The following FOXN2 variants were observed in gnomAD, a reference collection of about 807,000 sequenced individuals.
The protein encoded by FOXN2 is forkhead box N2, also known as forkhead box protein N2.
A neutral mutation model predicts 41.2 loss-of-function variants in FOXN2; 19 were observed. The observed-to-expected ratio is 0.46, with a 90% CI of 0.32 to 0.68. The LOEUF is 0.68. Ranked by LOEUF, FOXN2 falls within the 30% of genes least tolerant of loss-of-function variation. FOXN2 has a pLI of 0.03. For missense variants in FOXN2, 587 were observed against 509.4 expected (o/e 1.15, Z -1.47); for synonymous variants, 195 against 176.8 (o/e 1.10, Z -0.82).
At chr2:48,368,550 G>T (rs1672678912) in intron 5 of FOXN2, among the ~76,000 whole-genome samples, 1 of 152,066 alleles carries the variant, frequency 6.6e-6, no homozygotes, top group Non-Finnish European at 1.5e-5. Flanking sequence ...AAATTAGCCG[G>T]GCGTGGTGGT....
chr2:48,350,956 T>C (rs1248672045), intron 3 of FOXN2, among the ~76,000 whole-genome samples: 1 of 152,066 alleles, frequency 6.6e-6, no homozygotes, highest in African/African-American at 2.4e-5. Context: ...ATGGACTCTG[T>C]TACAATTTAT....
At chr2:48,344,394 T>C (rs758318193) in intron 2 of FOXN2, among the ~76,000 whole-genome samples, 6 of 152,224 alleles carry the variant, frequency 3.9e-5, no homozygotes, top group Non-Finnish European at 7.4e-5. Flanking sequence ...GAGTCATTGG[T>C]GCTCATGGGT....
chr2:48,337,420 C>T (rs116221547), intron 2 of FOXN2, among the ~76,000 whole-genome samples: 3 of 151,916 alleles, frequency 2.0e-5, no homozygotes, highest in Non-Finnish European at 2.9e-5. Flanking sequence ...GCCTCATCCT[C>T]CCAAAGTAGC....
At position 48,346,361 on chromosome 2, in the gene FOXN2, T is replaced by A. The variant is rs762545217; in HGVS notation, c.147T>A (p.Ser49Arg). ...AARPKATLVD[S>R]ESADDELTNL... ...GGCCGAAGGCCACTCTAGTGGACAG[T>A]GAGTCAGCAGATGATGAACTCACAA... is the stretch of plus-strand genomic sequence containing the variant. Residue 49 changes from serine (S) to arginine (R), a missense_variant, in exon 3 of 7, where the codon AGT becomes AGA. By Grantham distance (110) the Ser-to-Arg change is moderately radical (BLOSUM62 -1). Coordinates refer to ENST00000340553, the MANE Select transcript of FOXN2 (RefSeq NM_002158.4). The A allele has an allele frequency of 6.2e-7, 1 of 1,614,102 alleles. No homozygotes were observed. The highest frequency in any genetic ancestry group is 1.3e-5 in the African/African-American group (1 of 74,928).
intron 3 of FOXN2, among the ~76,000 whole-genome samples, chr2:48,351,380 A>G (rs1671438218): frequency 6.6e-6 from 1 of 152,220 alleles, no homozygotes; most frequent in African/African-American, 2.4e-5. Context: ...TTTAAAAAGT[A>G]AGAAGGCAAA....
At chr2:48,319,676 TCA>T (rs1669161282) in intron 1 of FOXN2, among the ~76,000 whole-genome samples, 1 of 147,662 alleles carries the variant, frequency 6.8e-6, no homozygotes, top group African/African-American at 2.5e-5. Context: ...GTGGTAACAA[TCA>T]CAGTGCACTG....
At chr2:48,318,816 A>C (rs1192406109) in intron 1 of FOXN2, among the ~76,000 whole-genome samples, 1 of 152,192 alleles carries the variant, frequency 6.6e-6, no homozygotes, top group Non-Finnish European at 1.5e-5. Context: ...TCCTCACCTT[A>C]GGTCTTGATT....
intron 6 of FOXN2, among the ~76,000 whole-genome samples, chr2:48,374,103 A>G (rs756522974): frequency 2.0e-4 from 31 of 152,144 alleles, no homozygotes; most frequent in Middle Eastern, 3.4e-3. Context: ...AACAAAATAT[A>G]TCTAAGAAAA....
chr2:48,362,045 C>T (rs1672221903), intron 4 of FOXN2, among the ~76,000 whole-genome samples: 2 of 152,130 alleles, frequency 1.3e-5, no homozygotes, highest in African/African-American at 4.8e-5. Context: ...ATTATCACAA[C>T]AGCCTATGTG....
intron 2 of FOXN2, among the ~76,000 whole-genome samples, chr2:48,336,472 T>A (rs1345969853): frequency 6.6e-6 from 1 of 151,634 alleles, no homozygotes; most frequent in African/African-American, 2.4e-5. Flanking sequence ...TATATTTATT[T>A]ATTTACGAGC....
intron 2 of FOXN2, chr2:48,340,815 C>G (rs1347055999): frequency 6.6e-6 from 1 of 152,148 alleles, no homozygotes; most frequent in African/African-American, 2.4e-5. Context: ...GATACTGCTA[C>G]TGCACAAAGC....
At chr2:48,346,840 A>G (rs1671136686) in intron 3 of FOXN2, 89 bp downstream of exon 3, 5 of 1,099,168 alleles carry the variant, frequency 4.5e-6, no homozygotes, top group South Asian at 3.5e-5. Flanking sequence ...CGGGGAGACA[A>G]TAAGTAGTCA....
chr2:48,338,823 AAAAC>A (rs1382837922), intron 2 of FOXN2, among the ~76,000 whole-genome samples: 1 of 152,242 alleles, frequency 6.6e-6, no homozygotes, highest in East Asian at 1.9e-4. Flanking sequence ...CAAAAATTAT[AAAAC>A]AAACTGTAGA....
chr2:48,331,631 A>G lies in FOXN2; in HGVS notation c.-15+2929A>G, dbSNP rs942271364. Reference sequence around the variant, plus strand: ...CCAGGAGTTTGAGACCAACCTGAGCAACATAAGGAGACGCTGCCTCTACAG... The same window carrying G: ...CCAGGAGTTTGAGACCAACCTGAGCGACATAAGGAGACGCTGCCTCTACAG... On this transcript the variant is annotated intron_variant, in intron 2 of 6. Coordinates refer to ENST00000340553, the MANE Select transcript of FOXN2 (RefSeq NM_002158.4). 7.2e-5 allele frequency among the ~76,000 whole-genome samples: 11 copies of G among 152,208 alleles called. No homozygotes were observed. The East Asian group carries it at 1.9e-3, about 27-fold the overall frequency.
intron 3 of FOXN2, among the ~76,000 whole-genome samples, chr2:48,347,481 C>T (rs1057408826): frequency 1.1e-4 from 17 of 151,772 alleles, no homozygotes; most frequent in African/African-American, 3.9e-4. Flanking sequence ...CCCACCTTGA[C>T]CTCCCAAAGT....
chr2:48,370,047 G>A (rs911632079), intron 5 of FOXN2, among the ~76,000 whole-genome samples: 2 of 151,890 alleles, frequency 1.3e-5, no homozygotes, highest in African/African-American at 4.8e-5. Context: ...TTATGGAGAA[G>A]TAATCTCTCT....
chr2:48,346,832 G>T, intron 3 of FOXN2, 81 bp downstream of exon 3: 1 of 1,223,994 alleles, frequency 8.2e-7, no homozygotes, highest in Non-Finnish European at 1.1e-6. Flanking sequence ...CTGGAAATCG[G>T]GGAGACAATA....
At chr2:48,373,450 C>G (rs770961437) in intron 6 of FOXN2, 90 bp downstream of exon 6, 1 of 739,882 alleles carries the variant, frequency 1.4e-6, no homozygotes, top group Admixed American at 2.7e-5. Context: ...ACAAAAATTA[C>G]TTCTTTCCAA....
chr2:48,349,836 C>G (rs1158798500), intron 3 of FOXN2, among the ~76,000 whole-genome samples: 2 of 152,324 alleles, frequency 1.3e-5, no homozygotes, highest in South Asian at 2.1e-4. Context: ...TTACCTTTGA[C>G]AGAGCACAGA....
Sources: gnomAD v4.1 joint callset for allele counts (sites outside exome capture counted in the v4.1 genomes callset) on GRCh38, gnomAD v4.1.1 for gene constraint, MANE v1.5 for transcripts, NCBI Gene and HGNC (gene_info 2026-07-23, HGNC 2026-07-21) for gene names.